Variants in CDH4 observed in about 807,000 individuals in gnomAD.
CDH4 encodes the protein cadherin-4.
In CDH4, 33 loss-of-function variants were observed where a neutral mutation model predicts 86.0. The ratio of observed to expected loss-of-function variants is 0.38; its 90% CI spans 0.29 to 0.51. CDH4 has a LOEUF of 0.51. Ranked by LOEUF, CDH4 falls within the 20% of genes least tolerant of loss-of-function variation. CDH4 has a pLI of 0.86. For missense variants in CDH4, 1,114 were observed against 1,307.4 expected, an observed-to-expected ratio of 0.85 and a Z score of 2.28; for synonymous variants, 555 against 549.4, an observed-to-expected ratio of 1.01 and a Z score of -0.14.
chr20:61,899,393 A>AT lies in CDH4; in HGVS notation c.1188+4348dup, dbSNP rs200576730. 1.0e-2 allele frequency among the ~76,000 whole-genome samples: 1,522 copies of AT among 152,248 alleles called. 24 individuals carry two copies. Among genetic ancestry groups the AT allele is most frequent in the African/African-American group, 0.035 (1,451 of 41,542 alleles). ...ACTGTATGTCTTTTGTGAATGATCT[A>AT]TTCCCCGTCCCAAGCAAGCATGAAT... On this transcript the variant is annotated intron_variant, in intron 8 of 15. Transcript: ENST00000614565.
chr20:61,627,749 AGAC>A (rs1245435951), intron 2 of CDH4, among the ~76,000 whole-genome samples: 2 of 152,106 alleles, frequency 1.3e-5, no homozygotes, highest in East Asian at 1.9e-4. Flanking sequence ...AGGGGTGTCC[AGAC>A]GGCCTGGTGC....
intron 2 of CDH4, among the ~76,000 whole-genome samples, chr20:61,683,197 G>A (rs2087536143): frequency 6.6e-6 from 1 of 152,146 alleles, no homozygotes; most frequent in Non-Finnish European, 1.5e-5. Flanking sequence ...GCACGCAGCT[G>A]TACTCTCCAC....
intron 2 of CDH4, among the ~76,000 whole-genome samples, chr20:61,656,294 GGGGTGGGTAGGC>G: frequency 7.9e-6 from 1 of 126,216 alleles, no homozygotes; most frequent in Non-Finnish European, 1.6e-5. Flanking sequence ...GGCGCGTGCT[GGGGTGGGTAGGC>G]ACGTGCTGAA....
chr20:61,883,492 A>G (rs974319516), intron 7 of CDH4, among the ~76,000 whole-genome samples: 1 of 151,982 alleles, frequency 6.6e-6, no homozygotes, highest in Non-Finnish European at 1.5e-5. Context: ...AGGACACCCC[A>G]CAGCAGAGAA....
At chr20:61,524,094 T>A in intron 2 of CDH4, among the ~76,000 whole-genome samples, 1 of 152,158 alleles carries the variant, frequency 6.6e-6, no homozygotes, top group East Asian at 1.9e-4. Flanking sequence ...GGGAATGCTG[T>A]TTATTAAAGC....
At chr20:61,824,216 A>G (rs887992870) in intron 4 of CDH4, among the ~76,000 whole-genome samples, 5 of 152,030 alleles carry the variant, frequency 3.3e-5, no homozygotes, top group Admixed American at 2.0e-4. Context: ...CATTGTCTCC[A>G]TTGTCAAGTA....
chr20:61,523,268 C>T lies in CDH4; in HGVS notation c.170-220295C>T, dbSNP rs558925766. Among the ~76,000 whole-genome samples, 9 of 152,372 alleles carry T rather than the reference C, an allele frequency of 5.9e-5. No homozygotes were observed. In the East Asian group the frequency reaches 9.7e-4, roughly 16 times the overall value. On this transcript the variant is annotated intron_variant, in intron 2 of 15. Transcript: ENST00000614565. Reference sequence around the variant, plus strand: ...TCAGGCCACGGCCTACTGATCCAGGCGACTCCGTCTTTGGGTGGAGCTGCG... The same window carrying T: ...TCAGGCCACGGCCTACTGATCCAGGTGACTCCGTCTTTGGGTGGAGCTGCG...
intron 6 of CDH4, among the ~76,000 whole-genome samples, chr20:61,863,482 C>T (rs181923208): frequency 6.6e-6 from 1 of 152,300 alleles, no homozygotes; most frequent in South Asian, 2.1e-4. Flanking sequence ...ACTGGGTGAC[C>T]GTTCCTCGGC....
At chr20:61,557,504 A>T (rs1450291931) in intron 2 of CDH4, among the ~76,000 whole-genome samples, 4 of 152,250 alleles carry the variant, frequency 2.6e-5, no homozygotes, top group Non-Finnish European at 5.9e-5. Context: ...TATGCCCTCC[A>T]GGACCTTGGT....
chr20:61,904,349 G>T (rs2054764845), intron 8 of CDH4, among the ~76,000 whole-genome samples: 1 of 152,150 alleles, frequency 6.6e-6, no homozygotes, highest in Non-Finnish European at 1.5e-5. Context: ...GGAACTGGTG[G>T]GATGTGGGAC....
At chr20:61,521,275 C>T (rs772845529) in intron 2 of CDH4, among the ~76,000 whole-genome samples, 2 of 152,172 alleles carry the variant, frequency 1.3e-5, no homozygotes, top group Admixed American at 1.3e-4. Context: ...CCAGCAGTGA[C>T]AGGAACGGCC....
chr20:61,335,020 A>G (rs574582466), intron 2 of CDH4, among the ~76,000 whole-genome samples: 10 of 152,358 alleles, frequency 6.6e-5, no homozygotes, highest in African/African-American at 2.4e-4. Context: ...GCATGATGAC[A>G]GCGATGATGC....
chr20:61,284,915 G>T (rs930730136), intron 2 of CDH4, among the ~76,000 whole-genome samples: 4 of 152,202 alleles, frequency 2.6e-5, no homozygotes, highest in Admixed American at 1.3e-4. Context: ...AATGGGTGGG[G>T]CTGTGTGCCA....
intron 2 of CDH4, among the ~76,000 whole-genome samples, chr20:61,546,269 A>G (rs66506680): frequency 0.16 from 24,315 of 150,118 alleles, 1,998 homozygotes; most frequent in South Asian, 0.2. Context: ...ATGTGTTCAC[A>G]TGTGTGTGGT....
intron 2 of CDH4, among the ~76,000 whole-genome samples, chr20:61,415,747 C>T (rs6142686): frequency 1.1e-4 from 16 of 152,102 alleles, no homozygotes; most frequent in East Asian, 3.9e-4. Flanking sequence ...TCACCCAGGC[C>T]GAAGTGCAGT....
At chr20:61,926,989 C>T (rs1326261945) in intron 11 of CDH4, among the ~76,000 whole-genome samples, 1 of 49,046 alleles carries the variant, frequency 2.0e-5, no homozygotes, top group Non-Finnish European at 6.3e-5. Context: ...GGAGCAGGAG[C>T]CCCCCGGTTA....
chr20:61,448,317 A>T (rs955754198), intron 2 of CDH4, among the ~76,000 whole-genome samples: 2 of 152,150 alleles, frequency 1.3e-5, no homozygotes, highest in Admixed American at 1.3e-4. Flanking sequence ...ACAAACCTGC[A>T]CTCTTCCAGA....
At chr20:61,878,223 T>C (rs116042744) in intron 7 of CDH4, among the ~76,000 whole-genome samples, 4,842 of 152,242 alleles carry the variant, frequency 0.032, 99 homozygotes, top group Middle Eastern at 0.065. Context: ...CCACCTTCTG[T>C]TCCCCCTGCC....
chr20:61,386,784 T>C (rs2084953552), intron 2 of CDH4, among the ~76,000 whole-genome samples: 1 of 152,240 alleles, frequency 6.6e-6, no homozygotes, highest in South Asian at 2.1e-4. Flanking sequence ...CCTCGATATT[T>C]TGTGCCTTCA....
Sources: gnomAD v4.1 joint callset for allele counts (sites outside exome capture counted in the v4.1 genomes callset) on GRCh38, gnomAD v4.1.1 for gene constraint, MANE v1.5 for transcripts, NCBI Gene and HGNC (gene_info 2026-07-23, HGNC 2026-07-21) for gene names.